GARRE1: variants seen among roughly 807,000 people sequenced by gnomAD.
The protein encoded by GARRE1 is granule associated Rac and RHOG effector protein 1.
In GARRE1, 49 loss-of-function variants were observed where a neutral mutation model predicts 103.2. That is an observed-to-expected ratio of 0.47 (90% CI 0.38 to 0.60). GARRE1 has a LOEUF of 0.60. Among genes scored for constraint, GARRE1 ranks in the 20% least tolerant of loss-of-function variants. GARRE1 has a pLI of 0.00. For synonymous variants in GARRE1, 505 were observed against 532.8 expected (o/e 0.95, Z 0.72); for missense variants, 1,199 against 1,370.5 (o/e 0.87, Z 1.98).
intron 1 of GARRE1, among the ~76,000 whole-genome samples, chr19:34,266,621 G>C (rs2073753301): frequency 6.6e-6 from 1 of 152,176 alleles, no homozygotes; most frequent in South Asian, 2.1e-4. Flanking sequence ...TGGAATTACA[G>C]GTGTGAGCCA....
chr19:34,294,547 T>G (rs1191095411), intron 1 of GARRE1, among the ~76,000 whole-genome samples: 1 of 152,220 alleles, frequency 6.6e-6, no homozygotes, highest in Non-Finnish European at 1.5e-5. Context: ...CTTTTAGTTC[T>G]TTGAACATAC....
chr19:34,277,848 G>A (rs940595302), intron 1 of GARRE1, among the ~76,000 whole-genome samples: 2 of 150,268 alleles, frequency 1.3e-5, no homozygotes, highest in Non-Finnish European at 3.0e-5. Flanking sequence ...CCTAAATGGA[G>A]TATTCAAAAA....
At chr19:34,340,924 C>T (rs1371705157) in intron 9 of GARRE1, among the ~76,000 whole-genome samples, 11 of 152,180 alleles carry the variant, frequency 7.2e-5, no homozygotes, top group Admixed American at 2.0e-4. Context: ...CATGCCCTTT[C>T]GCTCTTTAGG....
Position 34,338,813 on chromosome 19 carries a change from GT to G in GARRE1, c.1362-1050del, listed in dbSNP as rs375161499. Among the ~76,000 whole-genome samples the G allele has an allele frequency of 1.4e-4, 21 of 152,258 alleles. No homozygotes were observed. The East Asian group carries it at 3.9e-3, about 28-fold the overall frequency. ...AATCACGATGATATCCCATTGAAGA[GT>G]TTTAAGCAGGGGAGTGATGTGCTCT... On this transcript the variant is annotated intron_variant, in intron 8 of 13. Transcript: ENST00000299505.
In GARRE1 at chr19:34,320,053, A is replaced by G; in HGVS notation, c.642A>G (p.Leu214=). The G allele has an allele frequency of 6.2e-7, 1 of 1,614,248 alleles. No individual in the cohort carries two copies. Among genetic ancestry groups the G allele is most frequent in the South Asian group, 1.1e-5 (1 of 91,084 alleles). Reference sequence around the variant, plus strand: ...AGAACAGCGGCAGTGGCGGCGGCTTATCTGGCATGGGCCACACACCTGAAG... The same window carrying G: ...AGAACAGCGGCAGTGGCGGCGGCTTGTCTGGCATGGGCCACACACCTGAAG... The part of the protein sequence containing the change: ...EKKNSGSGGG[L]SGMGHTPEVE... Residue 214 remains leucine, a synonymous_variant, in exon 3 of 14, where the codon TTA becomes TTG. Transcript: ENST00000299505.
At chr19:34,276,729 G>T (rs998988630) in intron 1 of GARRE1, among the ~76,000 whole-genome samples, 12 of 152,320 alleles carry the variant, frequency 7.9e-5, no homozygotes, top group Middle Eastern at 3.4e-3. Flanking sequence ...CACCTTTCAG[G>T]TGGAGAAGTA....
intron 3 of GARRE1, among the ~76,000 whole-genome samples, chr19:34,324,130 G>C (rs1334170909): frequency 1.3e-5 from 2 of 152,122 alleles, no homozygotes; most frequent in African/African-American, 4.8e-5. Flanking sequence ...GTGCGACCTA[G>C]TGTTTTCTCT....
At chr19:34,304,098 T>A (rs148424834) in intron 2 of GARRE1, among the ~76,000 whole-genome samples, 61,156 of 109,452 alleles carry the variant, frequency 0.56, 15,102 homozygotes, top group Non-Finnish European at 0.62. Context: ...TCTTTGTAAT[T>A]TTTTTTTTTT....
chr19:34,293,715 AACACACACACACACAC>A (rs146336774), intron 1 of GARRE1, among the ~76,000 whole-genome samples: 6 of 100,472 alleles, frequency 6.0e-5, no homozygotes, highest in Non-Finnish European at 1.0e-4. Flanking sequence ...TAAACATATA[AACACACACACACACAC>A]ACACACACAC....
chr19:34,290,946 A>G (rs576003436), intron 1 of GARRE1, among the ~76,000 whole-genome samples: 35 of 107,372 alleles, frequency 3.3e-4, no homozygotes, highest in Non-Finnish European at 1.2e-4. Flanking sequence ...TCACTCTGTC[A>G]CCCAGGCTGG....
chr19:34,264,087 G>A (rs547680495), intron 1 of GARRE1, among the ~76,000 whole-genome samples: 5 of 152,278 alleles, frequency 3.3e-5, no homozygotes, highest in South Asian at 2.1e-4. Flanking sequence ...ATGCATGACC[G>A]TAAGTGTAAA....
chr19:34,350,941 G>A (rs1190663643), intron 12 of GARRE1, among the ~76,000 whole-genome samples: 2 of 151,958 alleles, frequency 1.3e-5, no homozygotes, highest in East Asian at 1.9e-4. Context: ...GCTCACACCT[G>A]CAATCCCAGT....
At chr19:34,281,710 C>T (rs1280003572) in intron 1 of GARRE1, among the ~76,000 whole-genome samples, 3 of 152,196 alleles carry the variant, frequency 2.0e-5, no homozygotes, top group Admixed American at 1.3e-4. Flanking sequence ...TGAAGCACTA[C>T]ACCTGGCCGA....
At chr19:34,263,271 G>GATAC (rs1568521142) in intron 1 of GARRE1, among the ~76,000 whole-genome samples, 1 of 149,636 alleles carries the variant, frequency 6.7e-6, no homozygotes. Context: ...TAGAGAGATA[G>GATAC]ATAGATAGAT....
In GARRE1 at chr19:34,268,415, A is replaced by AT. The variant is rs941902164; in HGVS notation, c.-796+13811dup. Among the ~76,000 whole-genome samples the AT allele has an allele frequency of 9.4e-4, 140 of 149,508 alleles. No homozygotes were observed. The East Asian group carries it at 9.4e-3, about 10-fold the overall frequency. ...CTTTGAAGATCTCTGTTTAACAAAG[A>AT]TTTTTTTTTTGGCTCACAGTGTTCC... On this transcript the variant is annotated intron_variant, in intron 1 of 13. Coordinates refer to ENST00000299505, the MANE Select transcript of GARRE1 (RefSeq NM_014686.5).
At chr19:34,332,671 G>A (rs2074143097) in intron 7 of GARRE1, among the ~76,000 whole-genome samples, 1 of 152,202 alleles carries the variant, frequency 6.6e-6, no homozygotes, top group African/African-American at 2.4e-5. Context: ...GTTTAAACCA[G>A]TGAAAGCTGG....
intron 2 of GARRE1, among the ~76,000 whole-genome samples, chr19:34,302,925 A>G (rs1299892574): frequency 2.6e-5 from 4 of 151,700 alleles, no homozygotes; most frequent in East Asian, 3.9e-4. Flanking sequence ...TTTGTATTTT[A>G]GTAGAGATGG....
At chr19:34,285,182 T>A (rs149729850) in intron 1 of GARRE1, 1 of 152,292 alleles carries the variant, frequency 6.6e-6, no homozygotes, top group Non-Finnish European at 1.5e-5. Context: ...TTGGAGCAAG[T>A]GATATGATGC....
chr19:34,327,806 T>C lies in GARRE1; in HGVS notation c.882T>C (p.Cys294=), dbSNP rs771739573. 1.2e-6 allele frequency: 2 copies of C among 1,614,134 alleles called. No homozygotes were observed. The highest frequency in any genetic ancestry group is 1.1e-5 in the South Asian group (1 of 91,074). Residue 294 remains cysteine (C), a synonymous_variant, in exon 5 of 14, where the codon TGT becomes TGC. Transcript: ENST00000299505. The part of the protein sequence containing the change: ...YKIALESLGH[C]EYAMKAGFHL... ...TAGCTCTGGAAAGCTTAGGACACTG[T>C]GAATATGCAATGAAAGCCGGCTTCC...
Sources: gnomAD v4.1 joint callset for allele counts (sites outside exome capture counted in the v4.1 genomes callset) on GRCh38, gnomAD v4.1.1 for gene constraint, MANE v1.5 for transcripts, NCBI Gene and HGNC (gene_info 2026-07-23, HGNC 2026-07-21) for gene names.